The following TRPC7 variants were observed in gnomAD, a reference collection of about 807,000 sequenced individuals.
The protein encoded by TRPC7 is transient receptor potential cation channel subfamily C member 7.
TRPC7 carries 42 observed loss-of-function variants against 90.1 expected under a neutral mutation model. That is an observed-to-expected ratio of 0.47 (90% CI 0.36 to 0.60). The LOEUF (loss-of-function observed/expected upper bound fraction) is 0.60, where lower values mean the gene tolerates loss of function less well. Ranked by LOEUF, TRPC7 falls within the 20% of genes least tolerant of loss-of-function variation. The pLI is 0.00. For missense variants in TRPC7, 955 were observed against 1,112.3 expected, an observed-to-expected ratio of 0.86 and a Z score of 2.01; for synonymous variants, 451 against 436.3, an observed-to-expected ratio of 1.03 and a Z score of -0.42.
chr5:136,364,641 A>G (rs1760668071), intron 1 of TRPC7, among the ~76,000 whole-genome samples: 1 of 152,214 alleles, frequency 6.6e-6, no homozygotes, highest in African/African-American at 2.4e-5. Context: ...AATCATAGGT[A>G]AATGAATTTA....
chr5:136,343,969 A>T (rs1439882562), intron 2 of TRPC7, among the ~76,000 whole-genome samples: 2 of 152,238 alleles, frequency 1.3e-5, no homozygotes, highest in Non-Finnish European at 2.9e-5. Flanking sequence ...CCATAAAGAC[A>T]TACGCATGTG....
In TRPC7 at chr5:136,356,943, C is replaced by A; in HGVS notation, c.445G>T (p.Asp149Tyr). ...TCCTCGTCGTAGGCATAGAAGTCGTCGTCGCGCAGCTCCTGTTCCAGCGGG... is the reference window on the plus strand; with the variant it reads ...TCCTCGTCGTAGGCATAGAAGTCGTAGTCGCGCAGCTCCTGTTCCAGCGGG... ...LSPLEQELRD[D>Y]DFYAYDEDGT... The change falls in exon 2 of 12, where the codon GAC becomes TAC. Residue 149 changes from aspartate to tyrosine, a missense_variant. Coordinates refer to ENST00000513104, the MANE Select transcript of TRPC7 (RefSeq NM_020389.3). 1 of 1,613,018 alleles carries A rather than the reference C, an allele frequency of 6.2e-7. No individual in the cohort carries two copies. The highest frequency in any genetic ancestry group is 8.5e-7 in the Non-Finnish European group (1 of 1,179,760).
At chr5:136,218,660 A>G (rs1282778022) in intron 10 of TRPC7, among the ~76,000 whole-genome samples, 3 of 152,192 alleles carry the variant, frequency 2.0e-5, no homozygotes, top group African/African-American at 7.2e-5. Context: ...TGTATTTACT[A>G]ATAATAGAAA....
Position 136,328,033 on chromosome 5 carries a change from G to A in TRPC7, c.781-12254C>T, listed in dbSNP as rs537851865. 4.6e-5 allele frequency among the ~76,000 whole-genome samples: 7 copies of A among 152,288 alleles called. No individual in the cohort carries two copies. The East Asian group carries it at 9.7e-4, about 21-fold the overall frequency. ...CTTCAATCCATGTTTTAGCTTCCATGGATACAATTAATTGTTTCATTAACC... is the reference window on the plus strand; with the variant it reads ...CTTCAATCCATGTTTTAGCTTCCATAGATACAATTAATTGTTTCATTAACC... On this transcript the variant is annotated intron_variant, in intron 2 of 11. Transcript: ENST00000513104.
At chr5:136,280,278 C>T (rs1001939340) in intron 3 of TRPC7, among the ~76,000 whole-genome samples, 3 of 152,240 alleles carry the variant, frequency 2.0e-5, no homozygotes, top group Non-Finnish European at 2.9e-5. Context: ...GTAACCCACT[C>T]ACTTGGCAAT....
chr5:136,223,141 C>T (rs1755514216), intron 10 of TRPC7, among the ~76,000 whole-genome samples: 1 of 152,232 alleles, frequency 6.6e-6, no homozygotes, highest in Non-Finnish European at 1.5e-5. Flanking sequence ...CCTCAGGCTT[C>T]TTCTGTGGAG....
At chr5:136,356,549 A>T in intron 2 of TRPC7, 59 bp downstream of exon 2, 1 of 1,453,434 alleles carries the variant, frequency 6.9e-7, no homozygotes. Flanking sequence ...TTCACACTGG[A>T]CACACGTGGA....
chr5:136,340,414 CAT>C (rs1232320530), intron 2 of TRPC7, among the ~76,000 whole-genome samples: 2 of 151,876 alleles, frequency 1.3e-5, no homozygotes, highest in African/African-American at 4.8e-5. Flanking sequence ...ATTATAATAA[CAT>C]ATATTTAAAA....
At chr5:136,267,606 TTATA>T (rs1484419588) in intron 4 of TRPC7, among the ~76,000 whole-genome samples, 1 of 152,230 alleles carries the variant, frequency 6.6e-6, no homozygotes, top group Non-Finnish European at 1.5e-5. Context: ...AGCACAACAT[TTATA>T]AATCAGATGG....
intron 2 of TRPC7, among the ~76,000 whole-genome samples, chr5:136,338,054 G>A (rs1025868337): frequency 6.6e-6 from 1 of 151,816 alleles, no homozygotes; most frequent in Non-Finnish European, 1.5e-5. Flanking sequence ...ATGGTGGGGA[G>A]AGAGAGAGAG....
At chr5:136,350,229 C>T (rs965188621) in intron 2 of TRPC7, among the ~76,000 whole-genome samples, 1 of 152,120 alleles carries the variant, frequency 6.6e-6, no homozygotes, top group Non-Finnish European at 1.5e-5. Context: ...CAATAGATGC[C>T]CAAGATTACA....
intron 4 of TRPC7, among the ~76,000 whole-genome samples, chr5:136,268,159 T>C (rs1234484975): frequency 6.6e-6 from 1 of 152,190 alleles, no homozygotes; most frequent in African/African-American, 2.4e-5. Context: ...TAGCAAATGG[T>C]GTTAGCATCT....
intron 3 of TRPC7, among the ~76,000 whole-genome samples, chr5:136,277,176 A>C (rs541130911): frequency 6.6e-6 from 1 of 152,362 alleles, no homozygotes. Context: ...CCAGAAGAGC[A>C]GAAGCTCTGA....
chr5:136,240,422 C>T (rs899623643), intron 7 of TRPC7, among the ~76,000 whole-genome samples: 3 of 152,194 alleles, frequency 2.0e-5, no homozygotes, highest in Admixed American at 1.3e-4. Context: ...GGGACAAACA[C>T]CACTTGGCAT....
chr5:136,303,169 T>C (rs1758464806), intron 3 of TRPC7, among the ~76,000 whole-genome samples: 1 of 152,164 alleles, frequency 6.6e-6, no homozygotes, highest in Non-Finnish European at 1.5e-5. Flanking sequence ...CCTTTTTCTT[T>C]ATCCCAAATC....
intron 3 of TRPC7, among the ~76,000 whole-genome samples, chr5:136,313,409 A>ATCTATCTG (rs1758905617): frequency 1.3e-5 from 2 of 152,048 alleles, no homozygotes; most frequent in South Asian, 2.1e-4. Context: ...CTATCTATCT[A>ATCTATCTG]TCTATCTATC....
In TRPC7 at chr5:136,365,246, T is replaced by G. The variant is rs1174001110; in HGVS notation, c.2+7A>C. 7.2e-6 allele frequency: 11 copies of G among 1,537,040 alleles called. No individual in the cohort carries two copies. Among genetic ancestry groups the G allele is most frequent in the Non-Finnish European group, 7.8e-6 (9 of 1,146,864 alleles). On this transcript the variant is annotated splice_region_variant and intron_variant, in intron 1 of 11. Transcript: ENST00000513104. ...ATCAATATGAAAGAACCATCATAGC[T>G]GCTTACATTGAGGGTGTAATACGCA... is the stretch of plus-strand genomic sequence containing the variant.
At chr5:136,363,633 G>A (rs1345861486) in intron 1 of TRPC7, among the ~76,000 whole-genome samples, 1 of 152,018 alleles carries the variant, frequency 6.6e-6, no homozygotes, top group Non-Finnish European at 1.5e-5. Flanking sequence ...CTACTAATGT[G>A]GGATGGTTTT....
intron 2 of TRPC7, among the ~76,000 whole-genome samples, chr5:136,326,601 A>G (rs950363944): frequency 6.6e-6 from 1 of 152,164 alleles, no homozygotes. Flanking sequence ...GAAAAACCGG[A>G]TATGATTGCT....
Sources: allele counts gnomAD v4.1 joint callset (sites outside exome capture counted in the v4.1 genomes callset), GRCh38; gene constraint gnomAD v4.1.1; transcripts MANE v1.5; gene names NCBI Gene and HGNC (gene_info 2026-07-23, HGNC 2026-07-21).